Variants in P3H2 observed in about 807,000 individuals in gnomAD.
The protein encoded by P3H2 is leprecan-like 1.
In P3H2, 80 loss-of-function variants were observed where a neutral mutation model predicts 87.0. The ratio of observed to expected loss-of-function variants is 0.92; its 90% CI spans 0.77 to 1.11. The LOEUF (loss-of-function observed/expected upper bound fraction) is 1.11, where lower values mean the gene tolerates loss of function less well. Among genes scored for constraint, P3H2 ranks in the 50% least tolerant of loss-of-function variants. The probability of loss-of-function intolerance (pLI) is 0.00; values close to 1 mark genes in which losing one functional copy is unlikely to be tolerated. For synonymous variants in P3H2, 367 were observed against 359.3 expected, an observed-to-expected ratio of 1.02 and a Z score of -0.24; for missense variants, 1,001 against 923.9, an observed-to-expected ratio of 1.08 and a Z score of -1.08.
chr3:190,000,910 G>C (rs1724192317), intron 1 of P3H2, among the ~76,000 whole-genome samples: 1 of 152,172 alleles, frequency 6.6e-6, no homozygotes, highest in Non-Finnish European at 1.5e-5. Flanking sequence ...CTTCTTTGTG[G>C]AAAACAGATC....
At chr3:190,035,025 T>A (rs1489849343) in intron 1 of P3H2, among the ~76,000 whole-genome samples, 1 of 151,910 alleles carries the variant, frequency 6.6e-6, no homozygotes, top group East Asian at 1.9e-4. Context: ...ATTTTTGTAT[T>A]ATTATTAGAG....
chr3:189,978,903 G>A (rs937086112), intron 8 of P3H2, among the ~76,000 whole-genome samples: 2 of 152,152 alleles, frequency 1.3e-5, no homozygotes, highest in African/African-American at 4.8e-5. Context: ...AGCCCAAGAA[G>A]ATTTAGTCAA....
intron 1 of P3H2, among the ~76,000 whole-genome samples, chr3:190,116,296 G>A (rs934424710): frequency 6.6e-6 from 1 of 152,122 alleles, no homozygotes; most frequent in Admixed American, 6.5e-5. Flanking sequence ...TATCTCCAAT[G>A]GTTACTGAGA....
chr3:190,114,193 T>A (rs1210995801), intron 1 of P3H2, among the ~76,000 whole-genome samples: 7 of 113,266 alleles, frequency 6.2e-5, no homozygotes, highest in East Asian at 2.0e-4. Context: ...ATTATTATTT[T>A]TTTTTTTTGA....
intron 3 of P3H2, among the ~76,000 whole-genome samples, chr3:189,993,605 C>T (rs1723948427): frequency 6.6e-6 from 1 of 152,014 alleles, no homozygotes; most frequent in Non-Finnish European, 1.5e-5. Context: ...TTGAAGACTA[C>T]ACAAAAGTGT....
At chr3:189,958,669 A>G (rs1044658255) in intron 14 of P3H2, among the ~76,000 whole-genome samples, 2 of 149,990 alleles carry the variant, frequency 1.3e-5, no homozygotes, top group Non-Finnish European at 3.0e-5. Context: ...GATATTGCCA[A>G]ATGTCCACTA....
At chr3:190,056,648 T>C (rs952931905) in intron 1 of P3H2, among the ~76,000 whole-genome samples, 9 of 152,204 alleles carry the variant, frequency 5.9e-5, no homozygotes, top group Non-Finnish European at 8.8e-5. Flanking sequence ...ATTAAGCTTC[T>C]GGGGGTCCAT....
At chr3:190,066,985 T>C (rs1444041025) in intron 1 of P3H2, among the ~76,000 whole-genome samples, 2 of 151,692 alleles carry the variant, frequency 1.3e-5, no homozygotes, top group Non-Finnish European at 2.9e-5. Context: ...CATTCACATG[T>C]AGTTTATTCT....
intron 1 of P3H2, among the ~76,000 whole-genome samples, chr3:190,114,247 C>G (rs555053852): frequency 5.4e-5 from 8 of 148,472 alleles, no homozygotes; most frequent in Non-Finnish European, 7.4e-5. Context: ...GCGGTGGCGC[C>G]ATCTCGGCTC....
At chr3:190,007,850 T>A (rs551244396) in intron 1 of P3H2, among the ~76,000 whole-genome samples, 133 of 150,580 alleles carry the variant, frequency 8.8e-4, no homozygotes, top group Non-Finnish European at 1.3e-3. Context: ...TTAATCTGTG[T>A]AAATGGGACA....
At position 190,120,579 on chromosome 3, in the gene P3H2, G is replaced by C; in HGVS notation, c.153C>G (p.Gly51=). The change falls in exon 1 of 15, where the codon GGC becomes GGG. Residue 51 remains glycine (G), a synonymous_variant. Transcript: ENST00000319332. ...LQPFDLLYAS[G]AAAYYSGDYE... ...AGTCTCCGCTGTAGTAGGCGGCCGC[G>C]CCGCTGGCGTAGAGCAGGTCGAAGG... The C allele has an allele frequency of 6.5e-7, 1 of 1,540,716 alleles. No individual in the cohort carries two copies. The highest frequency in any genetic ancestry group is 8.7e-7 in the Non-Finnish European group (1 of 1,153,592).
At chr3:190,037,316 A>G (rs943366273) in intron 1 of P3H2, among the ~76,000 whole-genome samples, 1 of 152,162 alleles carries the variant, frequency 6.6e-6, no homozygotes, top group Non-Finnish European at 1.5e-5. Flanking sequence ...GATTCTTAAC[A>G]TTACTGGATC....
intron 1 of P3H2, among the ~76,000 whole-genome samples, chr3:190,035,971 G>C (rs1214235603): frequency 6.6e-6 from 1 of 152,106 alleles, no homozygotes; most frequent in African/African-American, 2.4e-5. Context: ...GCAGTGAAGG[G>C]TCCCTGGAAA....
At chr3:189,999,815 T>TA (rs1378533056) in intron 1 of P3H2, among the ~76,000 whole-genome samples, 2 of 152,194 alleles carry the variant, frequency 1.3e-5, no homozygotes, top group African/African-American at 2.4e-5. Context: ...GAAATACTGG[T>TA]AAAAATGCCT....
At chr3:189,993,219 G>A (rs1723936216) in intron 3 of P3H2, among the ~76,000 whole-genome samples, 2 of 151,626 alleles carry the variant, frequency 1.3e-5, no homozygotes, top group Admixed American at 1.3e-4. Context: ...CTACTCGGGA[G>A]GCTGAGAAAG....
At position 189,960,508 on chromosome 3, in the gene P3H2, A is replaced by T. The variant is rs550308501; in HGVS notation, c.2035-2504T>A. 5.9e-5 allele frequency among the ~76,000 whole-genome samples: 9 copies of T among 152,256 alleles called. No homozygotes were observed. The East Asian group carries it at 1.7e-3, about 29-fold the overall frequency. On this transcript the variant is annotated intron_variant, in intron 14 of 14. Coordinates refer to ENST00000319332, the MANE Select transcript of P3H2 (RefSeq NM_018192.4). ...TCTCTGTCTAAAATGCCTCTCCCTAAAGAAATTGATCTTTTAAAGCTTTTT... is the reference window on the plus strand; with the variant it reads ...TCTCTGTCTAAAATGCCTCTCCCTATAGAAATTGATCTTTTAAAGCTTTTT...
At chr3:190,117,289 C>T (rs1712327218) in intron 1 of P3H2, among the ~76,000 whole-genome samples, 2 of 152,202 alleles carry the variant, frequency 1.3e-5, no homozygotes, top group African/African-American at 4.8e-5. Context: ...TCCTTCTTCC[C>T]CTCCAACACA....
intron 1 of P3H2, among the ~76,000 whole-genome samples, chr3:190,016,163 G>A (rs1038198079): frequency 1.3e-5 from 2 of 152,154 alleles, no homozygotes; most frequent in Non-Finnish European, 2.9e-5. Context: ...TTTGGTATGT[G>A]ATAAATCCTA....
chr3:190,121,810 G>C (rs1268038862), upstream of P3H2: 2 of 152,316 alleles, frequency 1.3e-5, no homozygotes, highest in African/African-American at 4.8e-5. Context: ...TCTTGCTGTG[G>C]GCCAGGTGCA....
Sources: allele counts gnomAD v4.1 joint callset (sites outside exome capture counted in the v4.1 genomes callset), GRCh38; gene constraint gnomAD v4.1.1; transcripts MANE v1.5; gene names NCBI Gene and HGNC (gene_info 2026-07-23, HGNC 2026-07-21).